Variants in CELSR1 observed in about 807,000 individuals in gnomAD.
CELSR1 encodes adhesion G protein-coupled receptor C1.
In CELSR1, 110 loss-of-function variants were observed where a neutral mutation model predicts 249.1. The observed-to-expected ratio is 0.44, with a 90% CI of 0.38 to 0.52. The LOEUF (loss-of-function observed/expected upper bound fraction) is 0.52, where lower values mean the gene tolerates loss of function less well. Ranked by LOEUF, CELSR1 falls within the 20% of genes least tolerant of loss-of-function variation. The probability of loss-of-function intolerance (pLI) is 0.00; values close to 1 mark genes in which losing one functional copy is unlikely to be tolerated. For synonymous variants in CELSR1, 2,113 were observed against 1,900.0 expected, an observed-to-expected ratio of 1.11 and a Z score of -2.92; for missense variants, 4,109 against 4,296.4, an observed-to-expected ratio of 0.96 and a Z score of 1.22.
At chr22:46,439,894 T>C (rs2147471680) in intron 2 of CELSR1, among the ~76,000 whole-genome samples, 1 of 152,218 alleles carries the variant, frequency 6.6e-6, no homozygotes, top group African/African-American at 2.4e-5. Context: ...AAGGCCACCT[T>C]CTGAGCAGGC....
intron 2 of CELSR1, among the ~76,000 whole-genome samples, chr22:46,460,854 A>C (rs1352452445): frequency 6.6e-6 from 1 of 152,190 alleles, no homozygotes; most frequent in African/African-American, 2.4e-5. Flanking sequence ...CTAAGGCCAA[A>C]ATGGATTTCA....
rs533189221 is a variant in CELSR1 at position 46,457,619 on chromosome 22, C to T, written c.4183+6088G>A. Among the ~76,000 whole-genome samples, 4 of 152,368 alleles carry T rather than the reference C, an allele frequency of 2.6e-5. No individual in the cohort carries two copies. In the East Asian group the frequency reaches 7.7e-4, roughly 29 times the overall value. ...GAAGACGAAGACGCTACCGTGATGACAAATCACCCGCTCACAGCGCGGACA... is the reference window on the plus strand; with the variant it reads ...GAAGACGAAGACGCTACCGTGATGATAAATCACCCGCTCACAGCGCGGACA... On this transcript the variant is annotated intron_variant, in intron 2 of 34. Transcript: ENST00000674500.
Position 46,536,095 on chromosome 22 carries a change from C to T in CELSR1, c.1076G>A (p.Arg359His), listed in dbSNP as rs745482181. The change falls in exon 1 of 35, where the codon CGC becomes CAC. Residue 359 changes from arginine to histidine, a missense_variant. Around this residue, in one of 7 missense-constraint regions of CELSR1, gnomAD observed 673 missense variants for 636.8 expected, o/e 1.06. Transcript: ENST00000674500. ...HSPVFEQSEYRERVRENLEVG... is the reference protein window; with the variant it reads ...HSPVFEQSEYHERVRENLEVG... ...CTCCAGGTTCTCCCGCACGCGCTCG[C>T]GGTACTCCGACTGCTCGAAGACCGG... is the stretch of plus-strand genomic sequence containing the variant. The T allele has an allele frequency of 4.3e-6, 7 of 1,611,946 alleles. No homozygotes were observed. Among genetic ancestry groups the T allele is most frequent in the Admixed American group, 3.3e-5 (2 of 60,002 alleles).
At chr22:46,444,001 G>A (rs372807168) in intron 2 of CELSR1, among the ~76,000 whole-genome samples, 1 of 152,198 alleles carries the variant, frequency 6.6e-6, no homozygotes, top group African/African-American at 2.4e-5. Flanking sequence ...CAACCTCGAC[G>A]GCAAACAAAG....
In CELSR1 at chr22:46,407,286, T is replaced by C. The variant is rs959093238; in HGVS notation, c.5226+1710A>G. 6.6e-6 allele frequency among the ~76,000 whole-genome samples: 1 copy of C among 151,986 alleles called. No homozygotes were observed. The highest frequency in any genetic ancestry group is 1.5e-5 in the Non-Finnish European group (1 of 68,006). ...ATGTGCACGCATGGAGAGATGCACA[T>C]ACACAGACTGACATGCACACACACT... On this transcript the variant is annotated intron_variant, in intron 9 of 34. Coordinates refer to ENST00000674500, the MANE Select transcript of CELSR1 (RefSeq NM_001378328.1). This position sits in a 1 kb window ranked among gnomAD's most constrained non-coding sequence, Gnocchi z 4.8.
In CELSR1 at chr22:46,436,804, A is replaced by T. The variant is rs1265590727; in HGVS notation, c.4407-515T>A. 6.6e-6 allele frequency among the ~76,000 whole-genome samples: 1 copy of T among 152,140 alleles called. No individual in the cohort carries two copies. The highest frequency in any genetic ancestry group is 1.5e-5 in the Non-Finnish European group (1 of 68,014). On this transcript the variant is annotated intron_variant, in intron 3 of 34. Coordinates refer to ENST00000674500, the MANE Select transcript of CELSR1 (RefSeq NM_001378328.1). The surrounding 1 kb of genome is among the most constrained non-coding windows in gnomAD (Gnocchi z 5.9). ...GTCAAAAAGACCCCAGGGCCTTTGC[A>T]CCAGCTGCCCCCTATGCCAGAAACA...
Position 46,405,901 on chromosome 22 carries a change from G to A in CELSR1, c.5226+3095C>T, listed in dbSNP as rs139718107. Among the ~76,000 whole-genome samples the A allele has an allele frequency of 6.6e-3, 998 of 152,216 alleles. 9 individuals are homozygous for A. Among genetic ancestry groups the A allele is most frequent in the African/African-American group, 0.023 (937 of 41,530 alleles). On this transcript the variant is annotated intron_variant, in intron 9 of 34. Coordinates refer to ENST00000674500, the MANE Select transcript of CELSR1 (RefSeq NM_001378328.1). Reference sequence around the variant, plus strand: ...AACCTTCGGTAACGTGTGGTTGACCGGCCTCTGCGAGCTGCCCTGGGGGCC... The same window carrying A: ...AACCTTCGGTAACGTGTGGTTGACCAGCCTCTGCGAGCTGCCCTGGGGGCC...
intron 1 of CELSR1, among the ~76,000 whole-genome samples, chr22:46,523,527 C>T (rs2080706472): frequency 1.4e-5 from 2 of 143,512 alleles, no homozygotes; most frequent in African/African-American, 2.7e-5. Flanking sequence ...GACTCTGTCT[C>T]AAATAAATAA....
Position 46,409,680 on chromosome 22 carries a change from T to C in CELSR1, c.5059+75A>G. 1 of 1,577,026 alleles carries C rather than the reference T, an allele frequency of 6.3e-7. No homozygotes were observed. Among genetic ancestry groups the C allele is most frequent in the East Asian group, 2.2e-5 (1 of 44,602 alleles). On this transcript the variant is annotated intron_variant, in intron 8 of 34. Transcript: ENST00000674500. This position sits in a 1 kb window ranked among gnomAD's most constrained non-coding sequence, Gnocchi z 9.8. ...ACCTGGATGTGAAGCCCCCTCACGGTGGTCCCGGGCACATCAAGGAGCAAT... is the reference window on the plus strand; with the variant it reads ...ACCTGGATGTGAAGCCCCCTCACGGCGGTCCCGGGCACATCAAGGAGCAAT...
At chr22:46,370,924 C>T (rs1005482418) in intron 25 of CELSR1, among the ~76,000 whole-genome samples, 3 of 152,226 alleles carry the variant, frequency 2.0e-5, no homozygotes, top group Non-Finnish European at 2.9e-5. Flanking sequence ...AAGTAGGAAA[C>T]GTGAACTATC....
intron 25 of CELSR1, among the ~76,000 whole-genome samples, chr22:46,371,138 C>G (rs1020307322): frequency 6.6e-6 from 1 of 152,196 alleles, no homozygotes; most frequent in African/African-American, 2.4e-5. Flanking sequence ...CCAACCTGCC[C>G]CCACCTCAGT....
chr22:46,437,798 CCT>C lies in CELSR1; in HGVS notation c.4406+1389_4406+1390del, dbSNP rs1252896303. On this transcript the variant is annotated intron_variant, in intron 3 of 34. Transcript: ENST00000674500. The surrounding 1 kb of genome is among the most constrained non-coding windows in gnomAD (Gnocchi z 4.9). ...TGGTTCCCAACTGTCGCCCAAACCCCCTCTCTTTAGAATGCAAGCAAGAAATG... is the reference window on the plus strand; with the variant it reads ...TGGTTCCCAACTGTCGCCCAAACCCCCTCTTTAGAATGCAAGCAAGAAATG... 6.6e-6 allele frequency among the ~76,000 whole-genome samples: 1 copy of C among 152,110 alleles called. No homozygotes were observed. Among genetic ancestry groups the C allele is most frequent in the Admixed American group, 6.6e-5 (1 of 15,256 alleles).
At chr22:46,520,271 C>T (rs1379254682) in intron 1 of CELSR1, among the ~76,000 whole-genome samples, 1 of 152,098 alleles carries the variant, frequency 6.6e-6, no homozygotes, top group Non-Finnish European at 1.5e-5. Context: ...CCCTGGATGG[C>T]CTCGAACCCC....
intron 5 of CELSR1, among the ~76,000 whole-genome samples, chr22:46,414,401 C>T (rs916519197): frequency 6.6e-6 from 1 of 152,254 alleles, no homozygotes; most frequent in Admixed American, 6.5e-5. Context: ...GGTCTGAGGT[C>T]CCTGCTGCTC....
chr22:46,536,952 C>A lies in CELSR1; in HGVS notation c.219G>T (p.Leu73=). 8.7e-7 allele frequency: 1 copy of A among 1,153,930 alleles called. No homozygotes were observed. Among genetic ancestry groups the A allele is most frequent in the Non-Finnish European group, 1.1e-6 (1 of 940,372 alleles). The allele number at this position is 1,153,930 out of a possible 1,614,324, so 71.5% of individuals were successfully genotyped here. A position where few individuals can be genotyped will look rare whatever the true frequency, so the allele number is the denominator to read the frequency against. The change falls in exon 1 of 35, where the codon CTG becomes CTT. Residue 73 remains leucine, a synonymous_variant. Transcript: ENST00000674500. The stretch of plus-strand genomic sequence containing the variant: ...CGCCCGAGACGCGCCGACGTCCTGC[C>A]AGCCGCCCATCGCGGCCCACGTCCA... The part of the protein sequence containing the change: ...ELLDVGRDGR[L]AGRRRVSGAG...
rs1235010647 is a variant in CELSR1, at chr22:46,464,052, G to C, written c.3838C>G (p.Leu1280Val). 5 of 1,613,792 alleles carry C rather than the reference G, an allele frequency of 3.1e-6. No individual in the cohort carries two copies. Among genetic ancestry groups the C allele is most frequent in the Non-Finnish European group, 4.2e-6 (5 of 1,180,046 alleles). The change falls in exon 2 of 35, where the codon CTG becomes GTG. Residue 1280 changes from leucine (L) to valine (V), a missense_variant. This residue lies in a region of CELSR1 where 141 missense variants were observed against 209.4 expected (regional missense o/e 0.67). Coordinates refer to ENST00000674500, the MANE Select transcript of CELSR1 (RefSeq NM_001378328.1). This position sits in a 1 kb window ranked among gnomAD's most constrained non-coding sequence, Gnocchi z 8.5. ...CGATTCAGGTAGATCTGCTCCTGCA[G>C]GTCCTCCGACGGGAAGAACTGGCCG... ...VRGQFFPSED[L>V]QEQIYLNRTL...
At position 46,440,481 on chromosome 22, in the gene CELSR1, G is replaced by C. The variant is rs548586088; in HGVS notation, c.4184-1070C>G. Among the ~76,000 whole-genome samples, 1 of 152,222 alleles carries C rather than the reference G, an allele frequency of 6.6e-6. No homozygotes were observed. The highest frequency in any genetic ancestry group is 1.5e-5 in the Non-Finnish European group (1 of 68,040). On this transcript the variant is annotated intron_variant, in intron 2 of 34. Transcript: ENST00000674500. The surrounding 1 kb of genome is among the most constrained non-coding windows in gnomAD (Gnocchi z 4.7). The stretch of plus-strand genomic sequence containing the variant: ...CCCAAAGTGCTGGGATTACAGGCGT[G>C]AGCCACCGCGCCCGGCCAGTATGAT...
intron 2 of CELSR1, among the ~76,000 whole-genome samples, chr22:46,443,171 C>T (rs1391958061): frequency 1.3e-5 from 2 of 152,164 alleles, no homozygotes; most frequent in East Asian, 1.9e-4. Context: ...GAAGCCCTCT[C>T]GAGAACGAGG....
At chr22:46,523,118 G>C (rs1033035762) in intron 1 of CELSR1, among the ~76,000 whole-genome samples, 3 of 152,220 alleles carry the variant, frequency 2.0e-5, no homozygotes, top group Admixed American at 6.5e-5. Context: ...GATTTTATTT[G>C]AATTAGTTGC....
Sources: allele counts gnomAD v4.1 joint callset (sites outside exome capture counted in the v4.1 genomes callset), GRCh38; gene constraint gnomAD v4.1.1; regional missense constraint gnomAD v4.1.1; non-coding constraint Gnocchi (gnomAD v3.1); transcripts MANE v1.5; gene names NCBI Gene and HGNC (gene_info 2026-07-23, HGNC 2026-07-21).